ZFYVE26: variants seen among roughly 807,000 people sequenced by gnomAD.
ZFYVE26 encodes the protein zinc finger FYVE-type containing 26, also known as zinc finger FYVE domain-containing protein 26.
In ZFYVE26, 181 loss-of-function variants were observed where a neutral mutation model predicts 276.5. The observed-to-expected ratio is 0.65, with a 90% CI of 0.58 to 0.74. The LOEUF (loss-of-function observed/expected upper bound fraction) is 0.74, where lower values mean the gene tolerates loss of function less well. Ranked by LOEUF, ZFYVE26 falls within the 30% of genes least tolerant of loss-of-function variation. The pLI is 0.00. For synonymous variants in ZFYVE26, 1,129 were observed against 1,203.1 expected (o/e 0.94, Z 1.27); for missense variants, 2,821 against 3,097.9 (o/e 0.91, Z 2.12).
Position 67,782,962 on chromosome 14 carries a change from A to C in ZFYVE26, c.4190T>G (p.Leu1397Arg). ...LAVNLCGWASLSTVLLGLHSP... is the reference protein window; with the variant it reads ...LAVNLCGWASRSTVLLGLHSP... ...ATGTAGGCCCAGGAGAACGGTAGAAAGACTGGCCCAACCACAGAGATTCAC... is the reference window on the plus strand; with the variant it reads ...ATGTAGGCCCAGGAGAACGGTAGAACGACTGGCCCAACCACAGAGATTCAC... Residue 1397 changes from leucine to arginine, a missense_variant, in exon 21 of 42, where the codon CTT (leucine) becomes CGT (arginine). Leu to Arg is a moderately radical substitution (Grantham distance 102). Coordinates refer to ENST00000347230, the MANE Select transcript of ZFYVE26 (RefSeq NM_015346.4). 1 of 1,614,226 alleles carries C rather than the reference A, an allele frequency of 6.2e-7. No individual in the cohort carries two copies. Among genetic ancestry groups the C allele is most frequent in the Non-Finnish European group, 8.5e-7 (1 of 1,180,042 alleles).
intron 13 of ZFYVE26, chr14:67,734,025 G>A: frequency 1.8e-6 from 1 of 561,202 alleles, no homozygotes; most frequent in Non-Finnish European, 3.3e-6. Flanking sequence ...TTGTGAGACT[G>A]GCTTATGGCA....
intron 13 of ZFYVE26, among the ~76,000 whole-genome samples, chr14:67,738,792 T>C (rs182101926): frequency 7.2e-5 from 11 of 152,294 alleles, no homozygotes; most frequent in Admixed American, 4.6e-4. Context: ...GCAGACACTG[T>C]TAGCTGTCAC....
chr14:67,737,550 C>G (rs1445120655), intron 13 of ZFYVE26, among the ~76,000 whole-genome samples: 4 of 152,160 alleles, frequency 2.6e-5, no homozygotes, highest in African/African-American at 9.7e-5. Flanking sequence ...CACCAGGTCC[C>G]TCCCTCAACA....
intron 36 of ZFYVE26, among the ~76,000 whole-genome samples, chr14:67,755,552 T>C (rs1379535123): frequency 1.2e-4 from 19 of 152,216 alleles, no homozygotes; most frequent in Admixed American, 1.2e-3. Flanking sequence ...TAATTCAATT[T>C]AGTACTGACT....
Position 67,748,465 on chromosome 14 carries a change from C to G in ZFYVE26, c.7591G>C (p.Gly2531Arg), listed in dbSNP as rs758850001. 2 of 1,612,600 alleles carry G rather than the reference C, an allele frequency of 1.2e-6. No individual in the cohort carries two copies. Among genetic ancestry groups the G allele is most frequent in the Non-Finnish European group, 1.7e-6 (2 of 1,179,898 alleles). The stretch of plus-strand genomic sequence containing the variant: ...TTCCTGGAGCCTGGGCCATGGGCAC[C>G]CCGGGGGTGGCTTGTCAGAAGCCAC... ...AQWLLTSHPRGAHGPGSRK is the reference protein window; with the variant it reads ...AQWLLTSHPRRAHGPGSRK The change falls in exon 42 of 42, where the codon GGT (glycine) becomes CGT (arginine). Residue 2531 changes from glycine (G) to arginine (R), a missense_variant. Transcript: ENST00000347230.
intron 13 of ZFYVE26, among the ~76,000 whole-genome samples, chr14:67,738,148 A>T (rs964806583): frequency 6.6e-6 from 1 of 151,808 alleles, no homozygotes; most frequent in Non-Finnish European, 1.5e-5. Context: ...TGAGTGGAAG[A>T]AATGGTGGAG....
At chr14:67,782,629 T>C (rs1166179443) in intron 21 of ZFYVE26, 151 bp downstream of exon 21, 4 of 1,348,282 alleles carry the variant, frequency 3.0e-6, no homozygotes, top group Non-Finnish European at 4.2e-6. Context: ...GCAAGTTTCC[T>C]AACCCCTCTG....
chr14:67,743,080 C>T (rs918327077), downstream of ZFYVE26, among the ~76,000 whole-genome samples: 5 of 151,922 alleles, frequency 3.3e-5, no homozygotes, highest in Non-Finnish European at 7.4e-5. Context: ...TCAAGTGATC[C>T]TTCCACCTCA....
chr14:67,762,650 T>C, intron 33 of ZFYVE26, 22 bp downstream of exon 33: 1 of 1,611,480 alleles, frequency 6.2e-7, no homozygotes, highest in Non-Finnish European at 8.5e-7. Flanking sequence ...GGAAGTAAGC[T>C]TTGTCTTTGT....
chr14:67,809,866 C>T (rs1012159189), intron 3 of ZFYVE26, among the ~76,000 whole-genome samples: 3 of 148,728 alleles, frequency 2.0e-5, no homozygotes, highest in African/African-American at 4.9e-5. Context: ...CTCATTGCAA[C>T]CTCCGCCTCC....
At chr14:67,759,622 C>CCAAAA (rs375153059) in intron 35 of ZFYVE26, among the ~76,000 whole-genome samples, 1 of 107,044 alleles carries the variant, frequency 9.3e-6, no homozygotes, top group African/African-American at 3.7e-5. Flanking sequence ...GACTCTGGCT[C>CCAAAA]AAAAAAAAAA....
Position 67,783,142 on chromosome 14 carries a change from T to C in ZFYVE26, c.4010A>G (p.Lys1337Arg). 2.5e-6 allele frequency: 4 copies of C among 1,608,052 alleles called. No individual in the cohort carries two copies. Among genetic ancestry groups the C allele is most frequent in the Non-Finnish European group, 3.4e-6 (4 of 1,175,810 alleles). The change falls in exon 21 of 42, where the codon AAG becomes AGG. Residue 1337 changes from lysine (K) to arginine (R), a missense_variant. Physicochemically the swap from Lys to Arg is conservative, Grantham distance 26. Coordinates refer to ENST00000347230, the MANE Select transcript of ZFYVE26 (RefSeq NM_015346.4). ...LKVSKPSLSWKELRGRREVPL... is the reference protein window; with the variant it reads ...LKVSKPSLSWRELRGRREVPL... Reference sequence around the variant, plus strand: ...CACCTCCCTGCGGCCACGAAGTTCCTTCCATGACAAGCTGGGTTTGCTGAC... The same window carrying C: ...CACCTCCCTGCGGCCACGAAGTTCCCTCCATGACAAGCTGGGTTTGCTGAC...
At chr14:67,774,959 A>G in intron 27 of ZFYVE26, 57 bp downstream of exon 27, 1 of 1,230,040 alleles carries the variant, frequency 8.1e-7, no homozygotes, top group Non-Finnish European at 1.2e-6. Flanking sequence ...TCTGAAGGAT[A>G]GAATAAGGCA....
chr14:67,756,222 T>C, intron 35 of ZFYVE26, 77 bp from the exon 36 acceptor site: 2 of 1,468,674 alleles, frequency 1.4e-6, no homozygotes, highest in Non-Finnish European at 1.9e-6. Context: ...CTGAATTTCC[T>C]TCTATTGATG....
chr14:67,814,090 G>C, intron 2 of ZFYVE26, 26 bp from the exon 3 acceptor site: 1 of 1,559,222 alleles, frequency 6.4e-7, no homozygotes, highest in Non-Finnish European at 8.8e-7. Context: ...AGAAAGACTT[G>C]TAAAAAAGAG....
chr14:67,795,099 T>C (rs1003982742), intron 12 of ZFYVE26, among the ~76,000 whole-genome samples: 1 of 152,232 alleles, frequency 6.6e-6, no homozygotes, highest in Non-Finnish European at 1.5e-5. Flanking sequence ...TTCCTTAGCC[T>C]GGTCATTCGA....
At chr14:67,774,992 T>G (rs1374495625) in intron 27 of ZFYVE26, 24 bp downstream of exon 27, 9 of 1,563,800 alleles carry the variant, frequency 5.8e-6, no homozygotes, top group Non-Finnish European at 7.9e-6. Context: ...AAAATTTTAG[T>G]GAATCATCAG....
At chr14:67,756,793 G>A (rs1280053960) in intron 35 of ZFYVE26, among the ~76,000 whole-genome samples, 4 of 152,114 alleles carry the variant, frequency 2.6e-5, no homozygotes. Flanking sequence ...ATTTGCTGAT[G>A]ATGCCTAAAT....
chr14:67,729,527 T>C (rs2038239983), exon 14 of ZFYVE26: 3 of 772,220 alleles, frequency 3.9e-6, no homozygotes, highest in Non-Finnish European at 6.7e-6. Flanking sequence ...GCCGTTGCTT[T>C]GTTAAGGAAA....
Sources: gnomAD v4.1 joint callset for allele counts (sites outside exome capture counted in the v4.1 genomes callset) on GRCh38, gnomAD v4.1.1 for gene constraint, MANE v1.5 for transcripts, NCBI Gene and HGNC (gene_info 2026-07-23, HGNC 2026-07-21) for gene names.